The following TSC2 variants were observed in gnomAD, a reference collection of about 807,000 sequenced individuals.
The protein encoded by TSC2 is TSC complex subunit 2.
Under a neutral mutation model 202.2 loss-of-function variants are expected in TSC2, and 29 were observed. The observed-to-expected ratio is 0.14, with a 90% CI of 0.11 to 0.20. The LOEUF (loss-of-function observed/expected upper bound fraction) is 0.20. Ranked by LOEUF, TSC2 falls within the 10% of genes least tolerant of loss-of-function variation. The probability of loss-of-function intolerance (pLI) is 1.00; values close to 1 mark genes in which losing one functional copy is unlikely to be tolerated. For synonymous variants in TSC2, 1,349 were observed against 1,044.0 expected (o/e 1.29, Z -5.63); for missense variants, 2,429 against 2,420.0 (o/e 1.00, Z -0.08).
chr16:2,060,037 T>C (rs1401603444), intron 10 of TSC2, among the ~76,000 whole-genome samples: 6 of 152,190 alleles, frequency 3.9e-5, no homozygotes, highest in Admixed American at 3.9e-4. Context: ...GGGTGAACGC[T>C]GCCTCGGGGG....
intron 9 of TSC2, among the ~76,000 whole-genome samples, chr16:2,057,732 A>G (rs1305950777): frequency 6.6e-6 from 1 of 152,066 alleles, no homozygotes; most frequent in South Asian, 2.1e-4. Context: ...CTTGGGATGT[A>G]GGCTTCTCCT....
rs115009851 is a variant in TSC2 at position 2,056,473 on chromosome 16, C to T, written c.649-171C>T. ...CATCAATGACCCACAGTGACAGGGA[C>T]GTCAGGTGCTTCCCACATGCCCGCT... On this transcript the variant is annotated intron_variant, in intron 7 of 41. Coordinates refer to ENST00000219476, the MANE Select transcript of TSC2 (RefSeq NM_000548.5). Among the ~76,000 whole-genome samples, 458 of 152,352 alleles carry T rather than the reference C, an allele frequency of 3.0e-3. 2 individuals carry two copies. The highest frequency in any genetic ancestry group is 0.01 in the African/African-American group (424 of 41,580).
Position 2,072,936 on chromosome 16 carries a change from C to A in TSC2, c.2308C>A (p.Leu770Met), listed in dbSNP as rs762215859. 1.2e-6 allele frequency: 2 copies of A among 1,613,648 alleles called. No homozygotes were observed. The highest frequency in any genetic ancestry group is 1.7e-6 in the Non-Finnish European group (2 of 1,180,046). ...CTTGCACCTGGCCGTGGTTCCAGTG[C>A]TGACAGCATTAATCTCTTACCATAA... ...TDLHLAVVPV[L>M]TALISYHNYL... Residue 770 changes from leucine to methionine, a missense_variant, in exon 21 of 42, where the codon CTG (leucine) becomes ATG (methionine). Leu to Met is a conservative substitution (Grantham distance 15). Coordinates refer to ENST00000219476, the MANE Select transcript of TSC2 (RefSeq NM_000548.5).
At position 2,057,005 on chromosome 16, in the gene TSC2, G is replaced by T. The variant is rs1013506485; in HGVS notation, c.775-100G>T. The T allele has an allele frequency of 1.5e-4, 226 of 1,481,842 alleles. 1 individual carries two copies. The highest frequency in any genetic ancestry group is 2.3e-4 in the Middle Eastern group (1 of 4,340). 91.8% of individuals were successfully genotyped at this position (1,481,842 alleles called of 1,614,324 possible). On this transcript the variant is annotated intron_variant, in intron 8 of 41. Coordinates refer to ENST00000219476, the MANE Select transcript of TSC2 (RefSeq NM_000548.5). ...GATGGTGGCGAGCTGGCCGGACCTT[G>T]GGTGGCTATAGGGCAGCAGCCAGGC...
At chr16:2,053,909 G>A in intron 4 of TSC2, 1 of 441,808 alleles carries the variant, frequency 2.3e-6, no homozygotes, top group Non-Finnish European at 4.4e-6. Context: ...TGTCCCAGCT[G>A]CTCAGAAGGG....
Position 2,088,694 on chromosome 16 carries a change from C to T in TSC2, c.*84C>T. Reference sequence around the variant, plus strand: ...TAAAGTCCTGACCCCAGTGCACAGACATAGAGGCACAGATTGCAGTCAGAC... The same window carrying T: ...TAAAGTCCTGACCCCAGTGCACAGATATAGAGGCACAGATTGCAGTCAGAC... On this transcript the variant is annotated 3_prime_UTR_variant, in exon 42 of 42. Coordinates refer to ENST00000219476, the MANE Select transcript of TSC2 (RefSeq NM_000548.5). 2 of 1,489,234 alleles carry T rather than the reference C, an allele frequency of 1.3e-6. No individual in the cohort carries two copies. Among genetic ancestry groups the T allele is most frequent in the African/African-American group, 1.4e-5 (1 of 71,788 alleles). 92.3% of individuals were successfully genotyped at this position (1,489,234 alleles called of 1,614,324 possible).
rs767252128 is a variant in TSC2 at position 2,074,200 on chromosome 16, C to A, written c.2356C>A (p.Arg786Ser). 6.2e-7 allele frequency: 1 copy of A among 1,610,982 alleles called. No homozygotes were observed. Among genetic ancestry groups the A allele is most frequent in the Non-Finnish European group, 8.5e-7 (1 of 1,179,894 alleles). The change falls in exon 22 of 42, where the codon CGC (arginine) becomes AGC (serine). Residue 786 changes from arginine (R) to serine (S), a missense_variant and splice_region_variant. Transcript: ENST00000219476. ...GCCTGAGGTGTCCTGTCTCCTGCAG[C>A]GCGAGATGGTCTACTGCCTGGAGCA... ...YHNYLDKTKQ[R>S]EMVYCLEQGL...
At position 2,055,527 on chromosome 16, in the gene TSC2, A is replaced by G. The variant is rs2151062239; in HGVS notation, c.599+8A>G. ...CATCGCAAGGATGGTTCAGTAAGAA[A>G]AGAATTGAGATCCTGTTCTGATAAT... On this transcript the variant is annotated splice_region_variant and intron_variant, in intron 6 of 41. Coordinates refer to ENST00000219476, the MANE Select transcript of TSC2 (RefSeq NM_000548.5). 1.2e-6 allele frequency: 2 copies of G among 1,608,470 alleles called. No homozygotes were observed. The highest frequency in any genetic ancestry group is 1.1e-5 in the South Asian group (1 of 90,976).
intron 18 of TSC2, 29 bp downstream of exon 18, chr16:2,071,645 A>G (rs2151300242): frequency 6.2e-7 from 1 of 1,612,052 alleles, no homozygotes; most frequent in African/African-American, 1.3e-5. Context: ...ACGGCCCATG[A>G]GGCTCAGGGC....
intron 38 of TSC2, 129 bp from the exon 39 acceptor site, chr16:2,087,734 A>C (rs751692341): frequency 8.7e-5 from 101 of 1,156,680 alleles, no homozygotes; most frequent in Non-Finnish European, 1.2e-4. Context: ...CCGCTGCCAG[A>C]GGGGAAAGTT....
At chr16:2,087,776 G>T in intron 38 of TSC2, 87 bp from the exon 39 acceptor site, 14 of 1,467,674 alleles carry the variant, frequency 9.5e-6, no homozygotes, top group South Asian at 2.4e-5. Flanking sequence ...GAGCTGACAG[G>T]TGTCTAGCAG....
intron 12 of TSC2, 95 bp from the exon 13 acceptor site, chr16:2,062,402 C>A: frequency 8.1e-7 from 1 of 1,232,508 alleles, no homozygotes; most frequent in Non-Finnish European, 1.2e-6. Context: ...GGCGGCTGGG[C>A]TCTGACAGCA....
At chr16:2,080,788 G>A (rs759754549) in intron 30 of TSC2, 31 of 225,500 alleles carry the variant, frequency 1.4e-4, no homozygotes, top group South Asian at 9.2e-4. Context: ...CCAGCCATTT[G>A]GGGGTAACTT....
At position 2,074,633 on chromosome 16, in the gene TSC2, C is replaced by A. The variant is rs143553665; in HGVS notation, c.2545+244C>A. ...TCCTCCTTGAAGAAGCCTCTTCCCC[C>A]CCGAGCAGTGGCCCTCCCCTGGTTT... On this transcript the variant is annotated intron_variant, in intron 22 of 41. Transcript: ENST00000219476. 978 of 575,958 alleles carry A rather than the reference C, an allele frequency of 1.7e-3. 10 individuals are homozygous for A. The highest frequency in any genetic ancestry group is 0.016 in the African/African-American group (849 of 53,636). 35.7% of individuals were successfully genotyped at this position (575,958 alleles called of 1,614,324 possible). A position where few individuals can be genotyped will look rare whatever the true frequency, so the allele number is the denominator to read the frequency against.
At chr16:2,056,606 G>T in intron 7 of TSC2, 38 bp from the exon 8 acceptor site, 2 of 1,603,388 alleles carry the variant, frequency 1.2e-6, no homozygotes, top group South Asian at 1.1e-5. Context: ...GGGAGGAGCT[G>T]GGGTAGGACG....
Position 2,089,391 on chromosome 16 carries a change from A to G in TSC2, c.*781A>G, listed in dbSNP as rs2091341646. 9.6e-6 allele frequency: 4 copies of G among 415,024 alleles called. No homozygotes were observed. The South Asian group carries it at 1.3e-4, about 14-fold the overall frequency. 25.7% of individuals were successfully genotyped at this position (415,024 alleles called of 1,614,324 possible). Reference sequence around the variant, plus strand: ...CAGGCTAACCCTCCCTGAAGCCAGCAGCCTTAGCAGTGGGGGACATCTGCC... The same window carrying G: ...CAGGCTAACCCTCCCTGAAGCCAGCGGCCTTAGCAGTGGGGGACATCTGCC... On this transcript the variant is annotated 3_prime_UTR_variant, in exon 42 of 42. Transcript: ENST00000219476.
chr16:2,072,758 G>A lies in TSC2; in HGVS notation c.2221-91G>A. On this transcript the variant is annotated intron_variant, in intron 20 of 41. Transcript: ENST00000219476. ...CCCCAGCCCCTTTGCCCCCTTTCCT[G>A]GGCCTGCGTTCCCAGGGCCTCCCCA... The A allele has an allele frequency of 2.5e-6, 4 of 1,600,814 alleles. No individual in the cohort carries two copies. The South Asian group carries it at 4.4e-5, about 18-fold the overall frequency.
At chr16:2,086,603 C>T in intron 37 of TSC2, 129 bp from the exon 38 acceptor site, 13 of 1,474,722 alleles carry the variant, frequency 8.8e-6, no homozygotes, top group Non-Finnish European at 1.2e-5. Context: ...GGACCACTGG[C>T]CAGGCACCAG....
chr16:2,083,556 G>A, intron 32 of TSC2, 139 bp from the exon 33 acceptor site: 1 of 1,435,506 alleles, frequency 7.0e-7, no homozygotes, highest in African/African-American at 1.4e-5. Context: ...CTCGGTGGAT[G>A]GCAGCAGTAA....
Sources: gnomAD v4.1 joint callset for allele counts (sites outside exome capture counted in the v4.1 genomes callset) on GRCh38, gnomAD v4.1.1 for gene constraint, MANE v1.5 for transcripts, NCBI Gene and HGNC (gene_info 2026-07-23, HGNC 2026-07-21) for gene names.